The following CHD7 variants were observed in gnomAD, a reference collection of about 807,000 sequenced individuals.
CHD7 encodes the protein ATP-dependent chromatin remodeler CHD7.
Under a neutral mutation model 307.3 loss-of-function variants are expected in CHD7, and 24 were observed. That is an observed-to-expected ratio of 0.08 (90% CI 0.06 to 0.11). The LOEUF (loss-of-function observed/expected upper bound fraction) is 0.11, where lower values mean the gene tolerates loss of function less well. CHD7 is among the 10% of genes least tolerant of loss of function. The probability of loss-of-function intolerance (pLI) is 1.00; values close to 1 mark genes in which losing one functional copy is unlikely to be tolerated. For missense variants in CHD7, 3,106 were observed against 3,727.1 expected, an observed-to-expected ratio of 0.83 and a Z score of 4.34; for synonymous variants, 1,363 against 1,349.9, an observed-to-expected ratio of 1.01 and a Z score of -0.21.
In CHD7 at chr8:60,797,212, T is replaced by C. The variant is rs192123648; in HGVS notation, c.2238+2085T>C. Among the ~76,000 whole-genome samples, 129 of 152,340 alleles carry C rather than the reference T, an allele frequency of 8.5e-4. 1 individual carries two copies. The highest frequency in any genetic ancestry group is 1.5e-3 in the Non-Finnish European group (99 of 68,028). ...TGGGGAATTGTAAAAGGAACCTTGA[T>C]ACTCAAAATAAATGTAAGATCAATT... On this transcript the variant is annotated intron_variant, in intron 4 of 37. Transcript: ENST00000423902.
intron 1 of CHD7, among the ~76,000 whole-genome samples, chr8:60,716,001 G>T (rs1319982698): frequency 1.3e-5 from 2 of 152,128 alleles, no homozygotes; most frequent in Non-Finnish European, 2.9e-5. Context: ...AGTACCTTCC[G>T]AGACCATTGT....
chr8:60,733,085 A>T (rs7813067), intron 1 of CHD7, among the ~76,000 whole-genome samples: 124,362 of 151,590 alleles, frequency 0.82, 51,343 homozygotes, highest in East Asian at 0.94. Context: ...AAAAAAAAAA[A>T]TTAGCTGGGT....
At chr8:60,783,160 T>C (rs1811340337) in intron 3 of CHD7, among the ~76,000 whole-genome samples, 1 of 152,196 alleles carries the variant, frequency 6.6e-6, no homozygotes, top group Non-Finnish European at 1.5e-5. Context: ...ATATTAGATA[T>C]TGTTATGAAT....
chr8:60,680,459 C>T (rs1298764855), intron 1 of CHD7, among the ~76,000 whole-genome samples: 5 of 145,108 alleles, frequency 3.4e-5, no homozygotes, highest in African/African-American at 1.0e-4. Flanking sequence ...GGGCGCTGGT[C>T]GGGAGGCTCT....
intron 1 of CHD7, among the ~76,000 whole-genome samples, chr8:60,705,527 A>G (rs534843996): frequency 7.7e-4 from 117 of 152,374 alleles, no homozygotes; most frequent in African/African-American, 2.7e-3. Context: ...CATCTAAAAA[A>G]TGACTCACCC....
At chr8:60,862,822 A>ATACATCATTAC in intron 37 of CHD7, 170 bp downstream of exon 37, 1 of 496,972 alleles carries the variant, frequency 2.0e-6, no homozygotes, top group Non-Finnish European at 3.3e-6. Flanking sequence ...TACATCATTA[A>ATACATCATTAC]TCCAAAGTGA....
At chr8:60,774,918 T>C (rs977740002) in intron 2 of CHD7, among the ~76,000 whole-genome samples, 3 of 152,164 alleles carry the variant, frequency 2.0e-5, no homozygotes, top group African/African-American at 7.2e-5. Flanking sequence ...CTCCTAAATA[T>C]GGAGAACATG....
chr8:60,849,741 G>A (rs1805369190), intron 25 of CHD7, among the ~76,000 whole-genome samples: 1 of 152,220 alleles, frequency 6.6e-6, no homozygotes, highest in Non-Finnish European at 1.5e-5. Context: ...GACTAAAGGG[G>A]AGAATGATGG....
At chr8:60,771,082 G>A (rs900483181) in intron 2 of CHD7, among the ~76,000 whole-genome samples, 5 of 152,240 alleles carry the variant, frequency 3.3e-5, no homozygotes, top group Non-Finnish European at 4.4e-5. Context: ...GTCTGGAACA[G>A]TGCTGGGCAC....
intron 1 of CHD7, among the ~76,000 whole-genome samples, chr8:60,710,860 C>T (rs551254522): frequency 2.0e-5 from 3 of 152,168 alleles, no homozygotes; most frequent in Admixed American, 6.5e-5. Context: ...GTGCAGACAC[C>T]TATCTGCACA....
intron 3 of CHD7, 36 bp downstream of exon 3, chr8:60,781,466 TGA>T: frequency 6.7e-7 from 1 of 1,496,466 alleles, no homozygotes; most frequent in Non-Finnish European, 8.9e-7. Context: ...TGCAAAACAT[TGA>T]GAGTACAGAA....
intron 10 of CHD7, 24 bp from the exon 11 acceptor site, chr8:60,822,000 T>G: frequency 6.2e-7 from 1 of 1,613,700 alleles, no homozygotes; most frequent in Non-Finnish European, 8.5e-7. Context: ...AAACCACTAA[T>G]GGGATTTACT....
chr8:60,687,810 C>A (rs1359614984), intron 1 of CHD7, among the ~76,000 whole-genome samples: 1 of 152,078 alleles, frequency 6.6e-6, no homozygotes, highest in Admixed American at 6.6e-5. Flanking sequence ...GTTAAATTAC[C>A]CAGGGCCATA....
chr8:60,766,923 T>G (rs987181263), intron 2 of CHD7, among the ~76,000 whole-genome samples: 19 of 152,126 alleles, frequency 1.2e-4, no homozygotes, highest in African/African-American at 4.6e-4. Flanking sequence ...GTAGATTCTC[T>G]CGCTGGGAGA....
intron 1 of CHD7, among the ~76,000 whole-genome samples, chr8:60,727,154 T>C (rs187209281): frequency 6.6e-6 from 1 of 152,124 alleles, no homozygotes; most frequent in Admixed American, 6.5e-5. Flanking sequence ...TGAGACAGGG[T>C]CTTTCTCTGT....
At chr8:60,842,120 G>A in intron 21 of CHD7, 68 bp downstream of exon 21, 1 of 1,293,972 alleles carries the variant, frequency 7.7e-7, no homozygotes, top group African/African-American at 1.5e-5. Context: ...AACTGGTAGA[G>A]AAAAACTATA....
intron 8 of CHD7, among the ~76,000 whole-genome samples, chr8:60,819,184 ACC>A (rs1803902660): frequency 6.6e-6 from 1 of 151,964 alleles, no homozygotes; most frequent in Admixed American, 6.6e-5. Context: ...TGAACTCCTG[ACC>A]TCGTGATCCG....
chr8:60,840,384 CTGTT>C (rs965165153), intron 19 of CHD7, among the ~76,000 whole-genome samples: 4 of 152,244 alleles, frequency 2.6e-5, no homozygotes, highest in Admixed American at 1.3e-4. Context: ...GCCCCTATCT[CTGTT>C]TGTCCACCTG....
At chr8:60,682,229 C>T (rs1000448148) in intron 1 of CHD7, among the ~76,000 whole-genome samples, 1 of 152,178 alleles carries the variant, frequency 6.6e-6, no homozygotes, top group Admixed American at 6.5e-5. Context: ...CTTACAGGAA[C>T]ATTTCCTAAA....
Sources: gnomAD v4.1 joint callset for allele counts (sites outside exome capture counted in the v4.1 genomes callset) on GRCh38, gnomAD v4.1.1 for gene constraint, MANE v1.5 for transcripts, NCBI Gene and HGNC (gene_info 2026-07-23, HGNC 2026-07-21) for gene names.